SGCD: variants seen among roughly 807,000 people sequenced by gnomAD.
SGCD encodes delta-sarcoglycan.
Under a neutral mutation model 36.6 loss-of-function variants are expected in SGCD, and 18 were observed. The ratio of observed to expected loss-of-function variants is 0.49; its 90% confidence interval spans 0.34 to 0.73. SGCD has a LOEUF of 0.73. SGCD is among the 30% of genes least tolerant of loss of function. The probability of loss-of-function intolerance (pLI) is 0.01; values close to 1 mark genes in which losing one functional copy is unlikely to be tolerated. For synonymous variants in SGCD, 133 were observed against 130.6 expected (o/e 1.02, Z -0.12); for missense variants, 387 against 346.7 (o/e 1.12, Z -0.92).
intron 3 of SGCD, among the ~76,000 whole-genome samples, chr5:156,217,626 A>G (rs1181898582): frequency 6.6e-6 from 1 of 152,196 alleles, no homozygotes; most frequent in Admixed American, 6.5e-5. Context: ...TAAAATGCTG[A>G]GAATGCTTTA....
At chr5:156,085,197 T>A (rs1761063260) in intron 1 of SGCD, among the ~76,000 whole-genome samples, 1 of 152,156 alleles carries the variant, frequency 6.6e-6, no homozygotes. Context: ...TCTGTCTCTA[T>A]CTGGTTTTGA....
chr5:156,292,810 G>T (rs927713866), intron 3 of SGCD, among the ~76,000 whole-genome samples: 3 of 152,006 alleles, frequency 2.0e-5, no homozygotes, highest in Non-Finnish European at 2.9e-5. Flanking sequence ...GTTTGAGATG[G>T]TATCTTATTG....
At chr5:156,568,461 C>T (rs73299105) in intron 4 of SGCD, among the ~76,000 whole-genome samples, 11,172 of 152,288 alleles carry the variant, frequency 0.073, 1,348 homozygotes, top group African/African-American at 0.25. Flanking sequence ...ATTGAAAGCA[C>T]TGGCTGCAGA....
At chr5:156,328,953 C>T (rs1357206572) in intron 1 of SGCD, among the ~76,000 whole-genome samples, 1 of 152,096 alleles carries the variant, frequency 6.6e-6, no homozygotes, top group African/African-American at 2.4e-5. Flanking sequence ...CTTCCATGAG[C>T]TCGGGTGTCA....
At chr5:156,434,454 A>G (rs181485199) in intron 3 of SGCD, among the ~76,000 whole-genome samples, 3 of 152,322 alleles carry the variant, frequency 2.0e-5, no homozygotes, top group African/African-American at 7.2e-5. Context: ...CCCTTGTCAT[A>G]TTGGCCCACT....
At chr5:156,757,035 G>A (rs1296367017) in intron 7 of SGCD, among the ~76,000 whole-genome samples, 2 of 152,118 alleles carry the variant, frequency 1.3e-5, no homozygotes, top group East Asian at 1.9e-4. Context: ...TGAGGAAACT[G>A]AGGCTTTAAG....
chr5:156,493,278 A>G (rs991168124), intron 3 of SGCD, among the ~76,000 whole-genome samples: 1 of 152,176 alleles, frequency 6.6e-6, no homozygotes, highest in Non-Finnish European at 1.5e-5. Context: ...TCTATTAGCA[A>G]TGTTGACCAT....
In SGCD at chr5:156,751,637, AC is replaced by A. The variant is rs574592639; in HGVS notation, c.576-5943del. ...AAAAAATAGACAAAAATAGAAATAA[AC>A]AAAATAGATGAAAACATTTCACTGA... On this transcript the variant is annotated intron_variant, in intron 7 of 8. Transcript: ENST00000337851. 2.6e-5 allele frequency among the ~76,000 whole-genome samples: 4 copies of A among 152,346 alleles called. No individual in the cohort carries two copies. The East Asian group carries it at 5.8e-4, about 22-fold the overall frequency.
chr5:156,171,386 C>T (rs1442279801), intron 3 of SGCD, among the ~76,000 whole-genome samples: 1 of 152,096 alleles, frequency 6.6e-6, no homozygotes, highest in Non-Finnish European at 1.5e-5. Flanking sequence ...TACCTATGAG[C>T]CCCTTGATTT....
intron 3 of SGCD, among the ~76,000 whole-genome samples, chr5:156,414,475 G>T (rs534884012): frequency 1.3e-5 from 2 of 152,208 alleles, no homozygotes; most frequent in Non-Finnish European, 2.9e-5. Flanking sequence ...GGAAATAAAG[G>T]TTATGGAGGA....
At position 156,508,644 on chromosome 5, in the gene SGCD, T is replaced by C; in HGVS notation, c.236T>C (p.Leu79Pro). Residue 79 changes from leucine (L) to proline (P), a missense_variant, in exon 4 of 9, where the codon CTA becomes CCA. Leu to Pro is a moderately conservative substitution (Grantham distance 98, BLOSUM62 -3). Coordinates refer to ENST00000337851, the MANE Select transcript of SGCD (RefSeq NM_000337.6). ...NLRITEKGLKLEGDSEFLQPL... is the reference protein window; with the variant it reads ...NLRITEKGLKPEGDSEFLQPL... ...AGGATCACAGAAAAAGGTCTAAAGC[T>C]AGAAGGAGACTCTGAATTCTTACAA... is the stretch of plus-strand genomic sequence containing the variant. 1.9e-6 allele frequency: 3 copies of C among 1,612,380 alleles called. No homozygotes were observed. Among genetic ancestry groups the C allele is most frequent in the Non-Finnish European group, 2.5e-6 (3 of 1,178,690 alleles).
At chr5:156,685,761 G>C (rs1425230253) in intron 7 of SGCD, among the ~76,000 whole-genome samples, 1 of 152,226 alleles carries the variant, frequency 6.6e-6, no homozygotes, top group African/African-American at 2.4e-5. Context: ...CAAATGTTTA[G>C]TGAAGTGAAG....
chr5:155,831,586 A>C, the SGCD span, among the ~76,000 whole-genome samples: 6 of 152,210 alleles, frequency 3.9e-5, no homozygotes, highest in Non-Finnish European at 7.3e-5. Flanking sequence ...TCGGCTTACA[A>C]TTAGAGCTTG....
intron 1 of SGCD, among the ~76,000 whole-genome samples, chr5:155,951,512 G>T (rs1009139676): frequency 1.3e-4 from 20 of 152,114 alleles, no homozygotes; most frequent in Admixed American, 4.6e-4. Flanking sequence ...ATCCTAAAAG[G>T]GTAGGAAGGA....
chr5:155,978,347 T>A (rs1341955943), intron 1 of SGCD, among the ~76,000 whole-genome samples: 1 of 152,228 alleles, frequency 6.6e-6, no homozygotes, highest in Admixed American at 6.5e-5. Context: ...TCACAGTACC[T>A]GTGGTTGGAG....
chr5:156,098,395 A>G (rs970728644), intron 1 of SGCD, among the ~76,000 whole-genome samples: 4 of 152,210 alleles, frequency 2.6e-5, no homozygotes, highest in Admixed American at 6.5e-5. Context: ...AAGTTACTTG[A>G]ATAAACAAGA....
At chr5:155,834,594 C>T in the SGCD span, among the ~76,000 whole-genome samples, 1 of 152,194 alleles carries the variant, frequency 6.6e-6, no homozygotes, top group African/African-American at 2.4e-5. Flanking sequence ...GAGTTTTACA[C>T]AAGTGGTGCT....
At chr5:156,415,895 G>T (rs1035771214) in intron 3 of SGCD, among the ~76,000 whole-genome samples, 1 of 152,072 alleles carries the variant, frequency 6.6e-6, no homozygotes, top group Non-Finnish European at 1.5e-5. Flanking sequence ...GCTAAAATAG[G>T]CTTAGTATTT....
At chr5:156,576,013 G>T (rs760906409) in intron 4 of SGCD, among the ~76,000 whole-genome samples, 2 of 152,122 alleles carry the variant, frequency 1.3e-5, no homozygotes, top group South Asian at 4.1e-4. Context: ...CCATGTTGGT[G>T]TGCTGCACCC....
Sources: allele counts gnomAD v4.1 joint callset (sites outside exome capture counted in the v4.1 genomes callset), GRCh38; gene constraint gnomAD v4.1.1; transcripts MANE v1.5; gene names NCBI Gene and HGNC (gene_info 2026-07-23, HGNC 2026-07-21).